Variants in PAK2 observed in about 807,000 individuals in gnomAD.
PAK2 encodes the protein serine/threonine-protein kinase PAK 2.
Under a neutral mutation model 65.9 loss-of-function variants are expected in PAK2, and 21 were observed. That is an observed-to-expected ratio of 0.32 (90% CI 0.23 to 0.46). The LOEUF is 0.46. PAK2 is among the 20% of genes least tolerant of loss of function. PAK2 has a pLI of 1.00. For missense variants in PAK2, 324 were observed against 642.6 expected (o/e 0.50, Z 5.36); for synonymous variants, 204 against 219.7 (o/e 0.93, Z 0.63).
chr3:196,815,656 A>AG (rs1560116351), intron 11 of PAK2, among the ~76,000 whole-genome samples: 3 of 151,622 alleles, frequency 2.0e-5, no homozygotes, highest in African/African-American at 7.3e-5. Context: ...GTGTGGTGGT[A>AG]CGCGCCTGTA....
intron 13 of PAK2, 62 bp from the exon 14 acceptor site, chr3:196,827,133 TG>T: frequency 9.6e-7 from 1 of 1,045,240 alleles, no homozygotes; most frequent in Non-Finnish European, 1.4e-6. Context: ...TTAGACTTTA[TG>T]GAGTGCTCTG....
chr3:196,808,557 C>CAAAAAAAAAAAAAAAA lies in PAK2; in HGVS notation c.709+646_709+661dup, dbSNP rs1208200034. ...GCCTGGCAACAGTGAGACTCCATCT[C>CAAAAAAAAAAAAAAAA]AAAAAAAAAAAAAAAAAAGCGAACC... On this transcript the variant is annotated intron_variant, in intron 7 of 14. Transcript: ENST00000327134. Among the ~76,000 whole-genome samples, 39 of 56,566 alleles carry CAAAAAAAAAAAAAAAA rather than the reference C, an allele frequency of 6.9e-4. 1 individual carries two copies. Among genetic ancestry groups the CAAAAAAAAAAAAAAAA allele is most frequent in the African/African-American group, 2.2e-3 (33 of 14,930 alleles). 37.1% of individuals were successfully genotyped at this position (56,566 alleles called of 152,430 possible).
At chr3:196,777,546 A>G (rs1212734874) in intron 1 of PAK2, among the ~76,000 whole-genome samples, 3 of 152,226 alleles carry the variant, frequency 2.0e-5, no homozygotes, top group African/African-American at 7.2e-5. Context: ...ATATATAAAC[A>G]TAACCCTCAT....
intron 7 of PAK2, among the ~76,000 whole-genome samples, chr3:196,809,984 A>T (rs975926945): frequency 1.3e-5 from 2 of 152,062 alleles, no homozygotes; most frequent in Admixed American, 6.6e-5. Flanking sequence ...AAACAAACAT[A>T]TGATTAGTTT....
rs200203557 is a variant in PAK2, at chr3:196,744,401, CAATT to C, written c.-22+4247_-22+4250del. ...TTTATTATAAAAGGTTCAAACAAGTCAATTAAATATTTAAAGAGTGAAAATTCTT... is the reference window on the plus strand; with the variant it reads ...TTTATTATAAAAGGTTCAAACAAGTCAAATATTTAAAGAGTGAAAATTCTT... On this transcript the variant is annotated intron_variant, in intron 1 of 14. Coordinates refer to ENST00000327134, the MANE Select transcript of PAK2 (RefSeq NM_002577.4). Among the ~76,000 whole-genome samples, 671 of 152,152 alleles carry C rather than the reference CAATT, an allele frequency of 4.4e-3. 5 individuals are homozygous for C. Among genetic ancestry groups the C allele is most frequent in the African/African-American group, 0.015 (638 of 41,482 alleles).
intron 1 of PAK2, among the ~76,000 whole-genome samples, chr3:196,756,977 C>T (rs1713790586): frequency 6.6e-6 from 1 of 152,214 alleles, no homozygotes; most frequent in Non-Finnish European, 1.5e-5. Flanking sequence ...GGTGAGAGCA[C>T]ACCTGAACAA....
At chr3:196,762,795 C>CA (rs63606860) in intron 1 of PAK2, among the ~76,000 whole-genome samples, 157 of 135,120 alleles carry the variant, frequency 1.2e-3, no homozygotes, top group African/African-American at 1.4e-3. Flanking sequence ...AACTCCGTCT[C>CA]AAAAAAAAAA....
At chr3:196,781,427 T>C (rs369165342) in intron 1 of PAK2, among the ~76,000 whole-genome samples, 2 of 152,292 alleles carry the variant, frequency 1.3e-5, no homozygotes, top group African/African-American at 4.8e-5. Context: ...GGTTGAAGTT[T>C]TCACTGAATT....
Position 196,812,119 on chromosome 3 carries a change from T to C in PAK2, c.774-100T>C, listed in dbSNP as rs903929161. On this transcript the variant is annotated intron_variant, in intron 8 of 14. Transcript: ENST00000327134. ...TTAAGCACGTTAGGTCATCCTGTTC[T>C]TTAATTCTTTTTCAATTGCTTGAAG... 1.2e-5 allele frequency: 9 copies of C among 765,126 alleles called. No homozygotes were observed. The African/African-American group carries it at 1.5e-4, about 13-fold the overall frequency. The allele number at this position is 765,126 out of a possible 1,614,324, so 47.4% of individuals were successfully genotyped here. A position where few individuals can be genotyped will look rare whatever the true frequency, so the allele number is the denominator to read the frequency against.
Position 196,829,000 on chromosome 3 carries a change from C to T in PAK2, c.*595C>T, listed in dbSNP as rs1252955106. ...GTAATATTTTAGTTCAGAACTTGAC[C>T]TGAAGGAAGGGAAGAAAAGTATGTG... On this transcript the variant is annotated 3_prime_UTR_variant, in exon 15 of 15. Coordinates refer to ENST00000327134, the MANE Select transcript of PAK2 (RefSeq NM_002577.4). 1 of 152,604 alleles carries T rather than the reference C, an allele frequency of 6.6e-6. No individual in the cohort carries two copies. The highest frequency in any genetic ancestry group is 1.5e-5 in the Non-Finnish European group (1 of 68,058). 9.5% of individuals were successfully genotyped at this position (152,604 alleles called of 1,614,324 possible). A position where few individuals can be genotyped will look rare whatever the true frequency, so the allele number is the denominator to read the frequency against.
At chr3:196,782,560 T>C (rs965883472) in intron 1 of PAK2, 66 bp from the exon 2 acceptor site, 8 of 711,618 alleles carry the variant, frequency 1.1e-5, no homozygotes, top group African/African-American at 1.8e-5. Flanking sequence ...GGGGTAGTTA[T>C]TACTGTTTTT....
intron 1 of PAK2, among the ~76,000 whole-genome samples, chr3:196,781,722 A>G (rs1015457589): frequency 4.6e-5 from 7 of 152,206 alleles, no homozygotes; most frequent in Admixed American, 4.6e-4. Flanking sequence ...AATCTCAGCA[A>G]TTTGGGTGGA....
intron 1 of PAK2, among the ~76,000 whole-genome samples, chr3:196,751,663 T>TATATATATAGATATATA (rs1713589849): frequency 2.2e-5 from 1 of 45,748 alleles, no homozygotes; most frequent in Non-Finnish European, 4.0e-5. Flanking sequence ...ACACACAAAT[T>TATATATATAGATATATA]TATTTATATA....
chr3:196,822,454 C>T (rs767024723), intron 13 of PAK2, among the ~76,000 whole-genome samples: 4 of 152,192 alleles, frequency 2.6e-5, no homozygotes, highest in Admixed American at 1.3e-4. Flanking sequence ...TTTGGGAGGC[C>T]AAGGTGGGAG....
chr3:196,791,259 C>T lies in PAK2; in HGVS notation c.187+8426C>T, dbSNP rs1185061315. 6.6e-6 allele frequency among the ~76,000 whole-genome samples: 1 copy of T among 152,160 alleles called. No individual in the cohort carries two copies. Among genetic ancestry groups the T allele is most frequent in the Non-Finnish European group, 1.5e-5 (1 of 68,034 alleles). On this transcript the variant is annotated intron_variant, in intron 2 of 14. Transcript: ENST00000327134. The surrounding 1 kb of genome is among the most constrained non-coding windows in gnomAD (Gnocchi z 4.0). ...TTAGACACTGTTTCTAATATCCTTT[C>T]CTTTTCCCATTGAGACTATTAAAAT...
intron 1 of PAK2, among the ~76,000 whole-genome samples, chr3:196,754,665 C>T (rs117068427): frequency 0.015 from 2,310 of 152,302 alleles, 103 homozygotes; most frequent in Admixed American, 0.097. Context: ...CTTGTTACTT[C>T]ACTAAACCTC....
At chr3:196,781,035 G>A (rs746154394) in intron 1 of PAK2, among the ~76,000 whole-genome samples, 5 of 152,226 alleles carry the variant, frequency 3.3e-5, no homozygotes, top group Admixed American at 1.3e-4. Context: ...TGATCCACCC[G>A]CCTCGGCCTC....
At chr3:196,759,378 T>C (rs922177336) in intron 1 of PAK2, among the ~76,000 whole-genome samples, 1 of 152,088 alleles carries the variant, frequency 6.6e-6, no homozygotes, top group African/African-American at 2.4e-5. Flanking sequence ...GCTCTCTGCA[T>C]CTATGTTTGG....
At chr3:196,768,278 A>G (rs1056672473) in intron 1 of PAK2, among the ~76,000 whole-genome samples, 2 of 151,764 alleles carry the variant, frequency 1.3e-5, no homozygotes, top group African/African-American at 4.9e-5. Flanking sequence ...CTTTGTTTTG[A>G]TTAATTTTGC....
Sources: gnomAD v4.1 joint callset for allele counts (sites outside exome capture counted in the v4.1 genomes callset) on GRCh38, gnomAD v4.1.1 for gene constraint, Gnocchi (gnomAD v3.1) non-coding constraint, MANE v1.5 for transcripts, NCBI Gene and HGNC (gene_info 2026-07-23, HGNC 2026-07-21) for gene names.